The following ANK3 variants were observed in gnomAD, a reference collection of about 807,000 sequenced individuals.
The protein encoded by ANK3 is ankyrin-3.
Under a neutral mutation model 370.9 loss-of-function variants are expected in ANK3, and 57 were observed. That is an observed-to-expected ratio of 0.15 (90% confidence interval 0.12 to 0.19). ANK3 has a LOEUF of 0.19. Among genes scored for constraint, ANK3 ranks in the 10% least tolerant of loss-of-function variants. ANK3 has a pLI of 1.00. For synonymous variants in ANK3, 1,929 were observed against 1,946.3 expected (o/e 0.99, Z 0.23); for missense variants, 4,439 against 5,302.1 (o/e 0.84, Z 5.06).
intron 2 of ANK3, among the ~76,000 whole-genome samples, chr10:60,583,347 G>A (rs533458202): frequency 6.6e-6 from 1 of 152,088 alleles, no homozygotes; most frequent in African/African-American, 2.4e-5. Flanking sequence ...GGTTACCAGG[G>A]ATAGGGAAGA....
At chr10:60,552,277 A>G (rs1000241075) in intron 2 of ANK3, among the ~76,000 whole-genome samples, 2 of 152,236 alleles carry the variant, frequency 1.3e-5, no homozygotes, top group Non-Finnish European at 1.5e-5. Flanking sequence ...CTTCTAGTCT[A>G]TGATTATAAA....
At chr10:60,111,699 A>C (rs1366521514) in intron 26 of ANK3, 1 of 451,132 alleles carries the variant, frequency 2.2e-6, no homozygotes, top group Non-Finnish European at 4.4e-6. Context: ...TAAAAATACA[A>C]AAAGGATGGT....
At chr10:60,728,238 C>T (rs1001785925) in intron 1 of ANK3, among the ~76,000 whole-genome samples, 5 of 152,266 alleles carry the variant, frequency 3.3e-5, no homozygotes, top group South Asian at 2.1e-4. Flanking sequence ...CCACCTACTA[C>T]GGGAAATGTT....
chr10:60,580,844 G>A (rs943508217), intron 2 of ANK3, among the ~76,000 whole-genome samples: 1 of 152,150 alleles, frequency 6.6e-6, no homozygotes, highest in Non-Finnish European at 1.5e-5. Context: ...AGGCTTGAAG[G>A]GTGGAAAAAA....
chr10:60,580,793 C>T (rs370105881), intron 2 of ANK3, among the ~76,000 whole-genome samples: 37 of 152,262 alleles, frequency 2.4e-4, no homozygotes, highest in Middle Eastern at 3.4e-3. Context: ...AGAACACCTT[C>T]GCAGGGAATC....
intron 4 of ANK3, among the ~76,000 whole-genome samples, chr10:60,271,883 T>C (rs557320945): frequency 6.6e-6 from 1 of 150,808 alleles, no homozygotes; most frequent in African/African-American, 2.4e-5. Context: ...TGGCACAGAA[T>C]TGTAACAAGT....
At position 60,228,598 on chromosome 10, in the gene ANK3, A is replaced by G. The variant is rs117538876; in HGVS notation, c.897+6090T>C. On this transcript the variant is annotated intron_variant, in intron 8 of 43. Transcript: ENST00000280772. ...TTTTATATGCTTCTTATAAGATGTTACATGTTTGAAACAATTTAGTATTCA... is the reference window on the plus strand; with the variant it reads ...TTTTATATGCTTCTTATAAGATGTTGCATGTTTGAAACAATTTAGTATTCA... Among the ~76,000 whole-genome samples the G allele has an allele frequency of 1.5e-3, 223 of 151,960 alleles. 3 individuals carry two copies. In the East Asian group the frequency reaches 0.037, roughly 25 times the overall value.
chr10:60,662,831 G>T (rs1042230518), intron 1 of ANK3, among the ~76,000 whole-genome samples: 1 of 152,162 alleles, frequency 6.6e-6, no homozygotes, highest in Non-Finnish European at 1.5e-5. Flanking sequence ...AATATATTAA[G>T]AGTACAGTCT....
intron 9 of ANK3, among the ~76,000 whole-genome samples, chr10:60,208,893 A>G (rs2096804494): frequency 6.6e-6 from 1 of 152,226 alleles, no homozygotes; most frequent in Non-Finnish European, 1.5e-5. Context: ...TGATGAGGAA[A>G]GGCAAGGCAT....
chr10:60,673,217 A>T (rs940940264), intron 1 of ANK3, among the ~76,000 whole-genome samples: 3 of 152,144 alleles, frequency 2.0e-5, no homozygotes, highest in South Asian at 2.1e-4. Flanking sequence ...TCATAGGCAC[A>T]GAAGAGGAAA....
intron 2 of ANK3, among the ~76,000 whole-genome samples, chr10:60,549,696 T>C (rs2077047516): frequency 6.6e-6 from 1 of 152,176 alleles, no homozygotes; most frequent in Non-Finnish European, 1.5e-5. Context: ...ATGGAAATTA[T>C]ATGTTGAAAT....
chr10:60,258,841 A>G (rs2097769356), intron 7 of ANK3, among the ~76,000 whole-genome samples: 1 of 152,210 alleles, frequency 6.6e-6, no homozygotes, highest in South Asian at 2.1e-4. Context: ...AGAAAACAGA[A>G]ATTGCAGCCC....
intron 1 of ANK3, among the ~76,000 whole-genome samples, chr10:60,677,784 CAAAA>C (rs752482255): frequency 2.0e-5 from 2 of 99,276 alleles, no homozygotes; most frequent in Non-Finnish European, 4.3e-5. Context: ...CTCAACTACC[CAAAA>C]AAAAAAAAAA....
intron 7 of ANK3, among the ~76,000 whole-genome samples, chr10:60,240,014 C>CAT: frequency 1.7e-4 from 1 of 5,884 alleles, no homozygotes; most frequent in Non-Finnish European, 7.1e-4. Context: ...TGAATATATA[C>CAT]ACATATATAC....
Position 60,072,235 on chromosome 10 carries a change from G to T in ANK3, c.8646C>A (p.His2882Gln). The part of the protein sequence containing the change: ...HVLVHDVREN[H>Q]IGHPESKSVD... ...CACTTTTACTCTCAGGGTGACCAAT[G>T]TGATTCTCTCTTACATCATGAACAA... The change falls in exon 37 of 44, where the codon CAC becomes CAA. Residue 2882 changes from histidine (H) to glutamine (Q), a missense_variant. By Grantham distance (24) the His-to-Gln change is conservative (BLOSUM62 0). Transcript: ENST00000280772. 6.2e-7 allele frequency: 1 copy of T among 1,614,082 alleles called. No individual in the cohort carries two copies. The highest frequency in any genetic ancestry group is 8.5e-7 in the Non-Finnish European group (1 of 1,180,004).
intron 8 of ANK3, among the ~76,000 whole-genome samples, chr10:60,226,479 C>CTA (rs1188388624): frequency 1.3e-5 from 1 of 79,182 alleles, no homozygotes; most frequent in African/African-American, 9.5e-5. Flanking sequence ...AGTATATATA[C>CTA]TATATATATA....
intron 8 of ANK3, among the ~76,000 whole-genome samples, chr10:60,229,265 A>T (rs2097207928): frequency 6.6e-6 from 1 of 152,218 alleles, no homozygotes; most frequent in Admixed American, 6.5e-5. Flanking sequence ...AGTTTCAACT[A>T]ATATAGAAAC....
intron 2 of ANK3, among the ~76,000 whole-genome samples, chr10:60,405,603 C>A (rs2063439138): frequency 6.6e-6 from 1 of 152,152 alleles, no homozygotes; most frequent in Non-Finnish European, 1.5e-5. Context: ...CATTCATCAA[C>A]TGGTACATTT....
chr10:60,696,092 T>A (rs1397212247), intron 1 of ANK3, among the ~76,000 whole-genome samples: 11 of 150,538 alleles, frequency 7.3e-5, no homozygotes, highest in Non-Finnish European at 1.3e-4. Context: ...CCCACAAAAA[T>A]ACAAACTACC....
Sources: gnomAD v4.1 joint callset for allele counts (sites outside exome capture counted in the v4.1 genomes callset) on GRCh38, gnomAD v4.1.1 for gene constraint, MANE v1.5 for transcripts, NCBI Gene and HGNC (gene_info 2026-07-23, HGNC 2026-07-21) for gene names.